Variants in PSMA1 observed in about 807,000 individuals in gnomAD.
PSMA1 encodes the protein proteasome subunit alpha type-1.
A neutral mutation model predicts 38.4 loss-of-function variants in PSMA1; 3 were observed. That is an observed-to-expected ratio of 0.08 (90% CI 0.04 to 0.20). PSMA1 has a LOEUF of 0.20. Among genes scored for constraint, PSMA1 ranks in the 10% least tolerant of loss-of-function variants. The pLI is 1.00. For missense variants in PSMA1, 227 were observed against 325.3 expected (o/e 0.70, Z 2.32); for synonymous variants, 101 against 107.1 (o/e 0.94, Z 0.35).
intron 2 of PSMA1, among the ~76,000 whole-genome samples, chr11:14,582,562 CGCT>C (rs1303292777): frequency 1.3e-5 from 2 of 152,136 alleles, no homozygotes; most frequent in Admixed American, 6.5e-5. Flanking sequence ...TCTATCACCA[CGCT>C]GGAGTATAGT....
At chr11:14,580,867 C>T (rs1852273645) in intron 2 of PSMA1, among the ~76,000 whole-genome samples, 1 of 152,228 alleles carries the variant, frequency 6.6e-6, no homozygotes, top group Admixed American at 6.5e-5. Flanking sequence ...GATTAGGAGC[C>T]CTCAGTTCAT....
chr11:14,532,642 T>C (rs1204311561), intron 2 of PSMA1, among the ~76,000 whole-genome samples: 1 of 144,454 alleles, frequency 6.9e-6, no homozygotes, highest in Admixed American at 7.0e-5. Context: ...TTGAAGATTT[T>C]TTTTCAATAA....
chr11:14,604,539 TC>T (rs1238203124), intron 2 of PSMA1, among the ~76,000 whole-genome samples: 2 of 152,238 alleles, frequency 1.3e-5, no homozygotes, highest in Admixed American at 1.3e-4. Flanking sequence ...GTTAGATTTT[TC>T]TTGAAATCAC....
rs118068882 is a variant in PSMA1 at position 14,590,798 on chromosome 11, C to T, written c.21+20168G>A. ...CCCGAGACCCGCACGCCCAGATGAC[C>T]GGGACGAGGCCATACTTCACATCTT... On this transcript the variant is annotated intron_variant, in intron 2 of 10. Coordinates refer to the PSMA1 transcript ENST00000418988. Among the ~76,000 whole-genome samples the T allele has an allele frequency of 1.3e-3, 197 of 152,302 alleles. 4 individuals carry two copies. The East Asian group carries it at 0.033, about 26-fold the overall frequency.
At chr11:14,622,588 T>C (rs1852860736) in intron 1 of PSMA1, among the ~76,000 whole-genome samples, 1 of 152,240 alleles carries the variant, frequency 6.6e-6, no homozygotes. Context: ...CATGACAAGA[T>C]ATCCCCTTCA....
chr11:14,633,948 C>G (rs1037456715), intron 1 of PSMA1, among the ~76,000 whole-genome samples: 2 of 152,200 alleles, frequency 1.3e-5, no homozygotes, highest in Non-Finnish European at 2.9e-5. Flanking sequence ...AGGGAACTCC[C>G]TGACCCCTTG....
At chr11:14,558,202 C>G (rs918338831) in intron 2 of PSMA1, among the ~76,000 whole-genome samples, 1 of 129,666 alleles carries the variant, frequency 7.7e-6, no homozygotes, top group African/African-American at 3.0e-5. Flanking sequence ...TGCTTAAGGA[C>G]AGGAGCTCGA....
At chr11:14,621,552 T>A (rs771828835) in intron 1 of PSMA1, among the ~76,000 whole-genome samples, 7 of 152,206 alleles carry the variant, frequency 4.6e-5, no homozygotes, top group Non-Finnish European at 8.8e-5. Context: ...ATTACAGGCA[T>A]GAGCCACCAC....
chr11:14,605,101 G>A (rs1852627444), intron 2 of PSMA1, among the ~76,000 whole-genome samples: 1 of 152,156 alleles, frequency 6.6e-6, no homozygotes, highest in Non-Finnish European at 1.5e-5. Flanking sequence ...AGTAATAGTT[G>A]TTTTAAGTTC....
intron 2 of PSMA1, among the ~76,000 whole-genome samples, chr11:14,610,537 A>G (rs533400013): frequency 6.6e-6 from 1 of 152,334 alleles, no homozygotes; most frequent in East Asian, 1.9e-4. Flanking sequence ...GTCTACACCT[A>G]TGTCATGTAC....
chr11:14,579,936 A>G (rs370606602), intron 2 of PSMA1, among the ~76,000 whole-genome samples: 19 of 152,316 alleles, frequency 1.2e-4, no homozygotes, highest in African/African-American at 4.3e-4. Flanking sequence ...AGGGAACTTC[A>G]AGGTACACTG....
At chr11:14,536,833 T>C (rs1851715095) in intron 2 of PSMA1, among the ~76,000 whole-genome samples, 1 of 152,108 alleles carries the variant, frequency 6.6e-6, no homozygotes, top group Admixed American at 6.5e-5. Context: ...GCCAGGATGG[T>C]CTCAATCTCC....
chr11:14,529,454 C>T (rs1851622437), intron 2 of PSMA1, among the ~76,000 whole-genome samples: 1 of 152,086 alleles, frequency 6.6e-6, no homozygotes, highest in South Asian at 2.1e-4. Context: ...CTTCTATGTC[C>T]CTGTCTAAAA....
chr11:14,550,270 C>T (rs1357746413), intron 2 of PSMA1, among the ~76,000 whole-genome samples: 1 of 152,124 alleles, frequency 6.6e-6, no homozygotes, highest in Non-Finnish European at 1.5e-5. Context: ...TTCAAAAATA[C>T]TGAAGGAAAT....
chr11:14,570,298 C>T (rs1012603480), intron 2 of PSMA1, among the ~76,000 whole-genome samples: 53 of 152,288 alleles, frequency 3.5e-4, no homozygotes, highest in Non-Finnish European at 5.7e-4. Context: ...AAAATCAGAG[C>T]ACCTCTTCTC....
rs543368621 is a variant in PSMA1 at position 14,546,743 on chromosome 11, T to C, written c.22-27702A>G. On this transcript the variant is annotated intron_variant, in intron 2 of 10. Transcript: ENST00000418988. Reference sequence around the variant, plus strand: ...CAGCCACCACATCCAGCCCAGGAAATGGGGATTTTAAAGTTTTTTCAGAGG... The same window carrying C: ...CAGCCACCACATCCAGCCCAGGAAACGGGGATTTTAAAGTTTTTTCAGAGG... Among the ~76,000 whole-genome samples, 169 of 152,032 alleles carry C rather than the reference T, an allele frequency of 1.1e-3. 2 individuals carry two copies. Among genetic ancestry groups the C allele is most frequent in the Admixed American group, 2.5e-3 (38 of 15,266 alleles).
At chr11:14,521,556 C>A (rs1433419551), upstream of PSMA1, among the ~76,000 whole-genome samples, 2 of 150,848 alleles carry the variant, frequency 1.3e-5, no homozygotes, top group Non-Finnish European at 3.0e-5. Flanking sequence ...AAGGCAGAGG[C>A]GGGTGGATCA....
At chr11:14,593,784 G>A (rs1852451343) in intron 2 of PSMA1, among the ~76,000 whole-genome samples, 1 of 152,186 alleles carries the variant, frequency 6.6e-6, no homozygotes, top group African/African-American at 2.4e-5. Flanking sequence ...ATTTTGGCAT[G>A]TAAATCTCCA....
intron 1 of PSMA1, among the ~76,000 whole-genome samples, chr11:14,630,246 T>C (rs1226512299): frequency 9.2e-5 from 14 of 152,162 alleles, no homozygotes; most frequent in Non-Finnish European, 2.1e-4. Context: ...TTATGCCAGT[T>C]TTCAAAGGGA....
Sources: allele counts gnomAD v4.1 joint callset (sites outside exome capture counted in the v4.1 genomes callset), GRCh38; gene constraint gnomAD v4.1.1; transcripts MANE v1.5; gene names NCBI Gene and HGNC (gene_info 2026-07-23, HGNC 2026-07-21).